Variants in MUC5AC observed in about 807,000 individuals in gnomAD.
MUC5AC encodes the protein mucin-5AC.
In MUC5AC, 158 loss-of-function variants were observed where a neutral mutation model predicts 169.7. The observed-to-expected ratio is 0.93, with a 90% CI of 0.82 to 1.06. The LOEUF (loss-of-function observed/expected upper bound fraction) is 1.06, where lower values mean the gene tolerates loss of function less well. MUC5AC is among the 50% of genes least tolerant of loss of function. The pLI is 0.00. For missense variants in MUC5AC, 4,359 were observed against 3,089.9 expected (o/e 1.41, Z -9.74); for synonymous variants, 1,975 against 1,237.0 (o/e 1.60, Z -12.52).
rs371469641 is a variant in MUC5AC, at chr11:1,200,606, C to A, written c.16869C>A (p.Gly5623=). The A allele has an allele frequency of 1.3e-6, 1 of 764,382 alleles. No homozygotes were observed. Among genetic ancestry groups the A allele is most frequent in the Non-Finnish European group, 2.4e-6 (1 of 417,478 alleles). The allele number at this position is 764,382 out of a possible 1,614,324, so 47.3% of individuals were successfully genotyped here. Residue 5623 remains glycine, a synonymous_variant, in exon 49 of 49, where the codon GGC becomes GGA. Coordinates refer to ENST00000621226, the MANE Select transcript of MUC5AC (RefSeq NM_001304359.2). ...TGGGCCGGCGGTGCCCTGCGCCGGG[C>A]GACACCCAGCACTCGGAGGAGGCGG... ...GCMGRRCPAP[G]DTQHSEEAEP...
At position 1,178,401 on chromosome 11, in the gene MUC5AC, C is replaced by T. The variant is rs1163236642; in HGVS notation, c.3088-43C>T. 6.3e-5 allele frequency: 29 copies of T among 461,800 alleles called. No individual in the cohort carries two copies. In the South Asian group the frequency reaches 1.8e-3, roughly 29 times the overall value. 28.6% of individuals were successfully genotyped at this position (461,800 alleles called of 1,614,324 possible). A position where few individuals can be genotyped will look rare whatever the true frequency, so the allele number is the denominator to read the frequency against. ...AGGGGCAGGGTGGCTCTGGCCTTCT[C>T]GGTTTGCTGCACCCACCTCCACCTC... On this transcript the variant is annotated intron_variant, in intron 24 of 48. Transcript: ENST00000621226.
intron 33 of MUC5AC, 107 bp from the exon 34 acceptor site, chr11:1,194,003 T>G: frequency 2.9e-6 from 2 of 687,924 alleles, no homozygotes; most frequent in Non-Finnish European, 5.3e-6. Flanking sequence ...CCCTGTGAGA[T>G]GAGACGGTGG....
Position 1,200,884 on chromosome 11 carries a change from C to G in MUC5AC, c.*182C>G, listed in dbSNP as rs939884739. The stretch of plus-strand genomic sequence containing the variant: ...TCACCTGCTGCCTGGAGGAGGGGCC[C>G]TTACCCACCCCGCCTGCAGCCACCT... On this transcript the variant is annotated 3_prime_UTR_variant, in exon 49 of 49. Transcript: ENST00000621226. 1.2e-5 allele frequency: 6 copies of G among 501,638 alleles called. No homozygotes were observed. Among genetic ancestry groups the G allele is most frequent in the Admixed American group, 1.0e-4 (3 of 29,908 alleles). The allele number at this position is 501,638 out of a possible 1,614,324, so 31.1% of individuals were successfully genotyped here.
intron 15 of MUC5AC, among the ~76,000 whole-genome samples, chr11:1,170,182 T>C (rs1387008942): frequency 6.0e-4 from 9 of 15,116 alleles, no homozygotes; most frequent in Non-Finnish European, 6.7e-4. Context: ...CACTCACCCA[T>C]TCACCCATTC....
chr11:1,174,789 G>C, intron 17 of MUC5AC, 93 bp from the exon 18 acceptor site: 1 of 458,884 alleles, frequency 2.2e-6, no homozygotes, highest in Admixed American at 4.1e-5. Flanking sequence ...GGAGGGGAGG[G>C]GAGGGTAGCC....
Position 1,177,442 on chromosome 11 carries a change from C to G in MUC5AC, c.2908-12C>G, listed in dbSNP as rs1247366428. ...TCTTGCTGGGGGCCCTGAGTGACCC[C>G]TTGCCATGCAGGGCTTCGAGCTGAA... On this transcript the variant is annotated splice_polypyrimidine_tract_variant and intron_variant, in intron 23 of 48. Transcript: ENST00000621226. 2 of 399,724 alleles carry G rather than the reference C, an allele frequency of 5.0e-6. No homozygotes were observed. The highest frequency in any genetic ancestry group is 8.8e-6 in the Non-Finnish European group (2 of 226,646). 24.8% of individuals were successfully genotyped at this position (399,724 alleles called of 1,614,324 possible).
intron 25 of MUC5AC, among the ~76,000 whole-genome samples, 182 bp from the exon 26 acceptor site, chr11:1,178,910 G>A (rs1029039606): frequency 2.0e-5 from 3 of 152,170 alleles, no homozygotes; most frequent in Admixed American, 2.0e-4. Flanking sequence ...AAGGGCTGCC[G>A]AGGAAGCCCC....
rs1438228401 is a variant in MUC5AC, at chr11:1,163,909, G to A, written c.707G>A (p.Gly236Glu). The A allele has an allele frequency of 1.9e-6, 3 of 1,610,504 alleles. No homozygotes were observed. The highest frequency in any genetic ancestry group is 2.5e-6 in the Non-Finnish European group (3 of 1,179,060). The change falls in exon 7 of 49, where the codon GGG (glycine) becomes GAG (glutamate). Residue 236 changes from glycine (G) to glutamate (E), a missense_variant. Physicochemically the swap from Gly to Glu is moderately conservative, Grantham distance 98 (BLOSUM62 -2). Transcript: ENST00000621226. ...ACCAAGCTGACACCCATGGAATTCG[G>A]GAACCTGCAGAAGATGGACGACCCC... ...HNTKLTPMEF[G>E]NLQKMDDPTD...
Position 1,197,576 on chromosome 11 carries a change from C to G in MUC5AC, c.15970C>G (p.Pro5324Ala), listed in dbSNP as rs1462822982. ...CCCGCTGCCCCCTGCCTGCCCCCTGCCCGGCTTCGTGCCTGTGCCTGCAGC... is the reference window on the plus strand; with the variant it reads ...CCCGCTGCCCCCTGCCTGCCCCCTGGCCGGCTTCGTGCCTGTGCCTGCAGC... ...LCPLPPACPL[P>A]GFVPVPAAPQ... is the part of the protein sequence containing the mutation. The change falls in exon 41 of 49, where the codon CCC (proline) becomes GCC (alanine). Residue 5324 changes from proline (P) to alanine (A), a missense_variant. Transcript: ENST00000621226. 1 of 720,344 alleles carries G rather than the reference C, an allele frequency of 1.4e-6. No individual in the cohort carries two copies. The highest frequency in any genetic ancestry group is 2.5e-6 in the Non-Finnish European group (1 of 396,206). The allele number at this position is 720,344 out of a possible 1,614,324, so 44.6% of individuals were successfully genotyped here. A position where few individuals can be genotyped will look rare whatever the true frequency, so the allele number is the denominator to read the frequency against.
Position 1,185,641 on chromosome 11 carries a change from G to A in MUC5AC, c.7496G>A (p.Ser2499Asn). 2.7e-6 allele frequency: 2 copies of A among 737,410 alleles called. No individual in the cohort carries two copies. Among genetic ancestry groups the A allele is most frequent in the Admixed American group, 1.8e-5 (1 of 54,362 alleles). The allele number at this position is 737,410 out of a possible 1,614,324, so 45.7% of individuals were successfully genotyped here. ...ETTPRPVPTTSTTSSPTTSTT... is the reference protein window; with the variant it reads ...ETTPRPVPTTNTTSSPTTSTT... Reference sequence around the variant, plus strand: ...ACTCCTAGACCTGTTCCTACCACCAGCACAACCTCTTCTCCTACAACCAGC... The same window carrying A: ...ACTCCTAGACCTGTTCCTACCACCAACACAACCTCTTCTCCTACAACCAGC... Residue 2499 changes from serine (S) to asparagine (N), a missense_variant, in exon 31 of 49, where the codon AGC becomes AAC. Coordinates refer to ENST00000621226, the MANE Select transcript of MUC5AC (RefSeq NM_001304359.2).
At chr11:1,174,466 C>G in intron 16 of MUC5AC, 30 bp from the exon 17 acceptor site, 1 of 1,382,354 alleles carries the variant, frequency 7.2e-7, no homozygotes, top group Non-Finnish European at 9.9e-7. Context: ...GCTGGGGTCT[C>G]TGATGCCCCG....
intron 16 of MUC5AC, among the ~76,000 whole-genome samples, chr11:1,173,055 T>TACTCACTC (rs1303281571): frequency 2.1e-5 from 3 of 143,090 alleles, no homozygotes; most frequent in Admixed American, 1.4e-4. Context: ...TTCACTAACT[T>TACTCACTC]ACTCACTCAC....
Position 1,187,887 on chromosome 11 carries a change from A to G in MUC5AC, c.9742A>G (p.Thr3248Ala). The G allele has an allele frequency of 1.3e-6, 1 of 760,892 alleles. No individual in the cohort carries two copies. Among genetic ancestry groups the G allele is most frequent in the Non-Finnish European group, 2.4e-6 (1 of 415,138 alleles). The allele number at this position is 760,892 out of a possible 1,614,324, so 47.1% of individuals were successfully genotyped here. A position where few individuals can be genotyped will look rare whatever the true frequency, so the allele number is the denominator to read the frequency against. Residue 3248 changes from threonine to alanine, a missense_variant, in exon 31 of 49, where the codon ACC becomes GCC. Coordinates refer to ENST00000621226, the MANE Select transcript of MUC5AC (RefSeq NM_001304359.2). Reference sequence around the variant, plus strand: ...TGGACCCCACGGCGGGGACAAGGAAACCTACAACAACATCATCAGGAGTGG... The same window carrying G: ...TGGACCCCACGGCGGGGACAAGGAAGCCTACAACAACATCATCAGGAGTGG... Reference protein sequence around the residue: ...SPGPHGGDKETYNNIIRSGEK... With the variant: ...SPGPHGGDKEAYNNIIRSGEK...
rs766531619 is a variant in MUC5AC at position 1,160,654 on chromosome 11, AC to A, written c.119del (p.Pro40LeufsTer24). 6.2e-7 allele frequency: 1 copy of A among 1,610,292 alleles called. No individual in the cohort carries two copies. Among genetic ancestry groups the A allele is most frequent in the Admixed American group, 1.7e-5 (1 of 59,938 alleles). On this transcript the variant is annotated frameshift_variant, in exon 2 of 49. Coordinates refer to ENST00000621226, the MANE Select transcript of MUC5AC (RefSeq NM_001304359.2). LOFTEE classifies it high-confidence loss of function. The stretch of plus-strand genomic sequence containing the variant: ...TCCTCCGAATCCAGCTACAAGCACC[AC>A]CCTGCCCTCTCTCCTATCGCCCGGG... ...DGSSESSYKH[H>X]PALSPIARGP...
Position 1,158,077 on chromosome 11 carries a change from G to C in MUC5AC, c.73+5G>C. On this transcript the variant is annotated splice_donor_5th_base_variant and intron_variant, in intron 1 of 48. Transcript: ENST00000621226. ...TGGCCTGCACCCGGCATACAGGTAC[G>C]GCTTGGCCCCTGGCCGCTCTACTGG... is the stretch of plus-strand genomic sequence containing the variant. 3 of 1,602,380 alleles carry C rather than the reference G, an allele frequency of 1.9e-6. No individual in the cohort carries two copies. The highest frequency in any genetic ancestry group is 1.7e-6 in the Non-Finnish European group (2 of 1,176,562).
Position 1,190,966 on chromosome 11 carries a change from C to A in MUC5AC, c.12821C>A (p.Thr4274Asn), listed in dbSNP as rs1489309116. ...ACCTCTGCTGCTACAACCAGCACAA[C>A]CTCTGCTCCTACAACCAGAACAACA... Reference protein sequence around the residue: ...STTSAATTSTTSAPTTRTTSA... With the variant: ...STTSAATTSTNSAPTTRTTSA... Residue 4274 changes from threonine to asparagine, a missense_variant, in exon 31 of 49, where the codon ACC (threonine) becomes AAC (asparagine). Transcript: ENST00000621226. The A allele has an allele frequency of 8.1e-6, 6 of 736,446 alleles. No individual in the cohort carries two copies. Among genetic ancestry groups the A allele is most frequent in the South Asian group, 1.4e-5 (1 of 71,176 alleles). 45.6% of individuals were successfully genotyped at this position (736,446 alleles called of 1,614,324 possible).
At position 1,161,981 on chromosome 11, in the gene MUC5AC, G is replaced by A. The variant is rs778621247; in HGVS notation, c.286G>A (p.Val96Ile). Residue 96 changes from valine to isoleucine, a missense_variant, in exon 4 of 49, where the codon GTC becomes ATC. By Grantham distance (29) the Val-to-Ile change is conservative. Coordinates refer to ENST00000621226, the MANE Select transcript of MUC5AC (RefSeq NM_001304359.2). The part of the protein sequence containing the change: ...SFHYKTFDGD[V>I]FRFPGLCNYV... The stretch of plus-strand genomic sequence containing the variant: ...CCACTACAAGACCTTCGACGGCGAC[G>A]TCTTCCGCTTCCCCGGCCTCTGCAA... 4.3e-6 allele frequency: 7 copies of A among 1,612,412 alleles called. No individual in the cohort carries two copies. Among genetic ancestry groups the A allele is most frequent in the South Asian group, 2.2e-5 (2 of 91,004 alleles).
In MUC5AC at chr11:1,187,442, CACA is replaced by C; in HGVS notation, c.9300_9302del (p.Thr3101del). ...GCACAATCTCGGCCCCAACAACCAG[CACA>C]ACGTCTGCTCCTACAACCAGCACAA... On this transcript the variant is annotated inframe_deletion, in exon 31 of 49. Transcript: ENST00000621226. 2.7e-6 allele frequency: 2 copies of C among 729,086 alleles called. No individual in the cohort carries two copies. Among genetic ancestry groups the C allele is most frequent in the Middle Eastern group, 2.3e-4 (1 of 4,404 alleles). 45.2% of individuals were successfully genotyped at this position (729,086 alleles called of 1,614,324 possible). A position where few individuals can be genotyped will look rare whatever the true frequency, so the allele number is the denominator to read the frequency against.
In MUC5AC at chr11:1,178,650, C is replaced by T; in HGVS notation, c.3294C>T (p.Leu1098=). 3 of 1,344,012 alleles carry T rather than the reference C, an allele frequency of 2.2e-6. No homozygotes were observed. The highest frequency in any genetic ancestry group is 2.9e-6 in the Non-Finnish European group (3 of 1,039,092). The allele number at this position is 1,344,012 out of a possible 1,614,324, so 83.3% of individuals were successfully genotyped here. Reference sequence around the variant, plus strand: ...GGGCCCAGAAGCAGTGCAGCATCCTCCACGGCCCCACCTTCGCCGCCTGCC... The same window carrying T: ...GGGCCCAGAAGCAGTGCAGCATCCTTCACGGCCCCACCTTCGCCGCCTGCC... ...KSWAQKQCSI[L]HGPTFAACHA... The change falls in exon 25 of 49, where the codon CTC becomes CTT. Residue 1098 remains leucine (L), a synonymous_variant. Transcript: ENST00000621226.
Sources: allele counts gnomAD v4.1 joint callset (sites outside exome capture counted in the v4.1 genomes callset), GRCh38; gene constraint gnomAD v4.1.1; transcripts MANE v1.5; gene names NCBI Gene and HGNC (gene_info 2026-07-23, HGNC 2026-07-21).